Variants in DAB2IP observed in about 807,000 individuals in gnomAD.
DAB2IP encodes DAB2 interacting protein.
In DAB2IP, 28 loss-of-function variants were observed where a neutral mutation model predicts 107.2. That is an observed-to-expected ratio of 0.26 (90% CI 0.19 to 0.36). The LOEUF (loss-of-function observed/expected upper bound fraction) is 0.36. Among genes scored for constraint, DAB2IP ranks in the 10% least tolerant of loss-of-function variants. DAB2IP has a pLI of 1.00. For synonymous variants in DAB2IP, 755 were observed against 706.4 expected, an observed-to-expected ratio of 1.07 and a Z score of -1.09; for missense variants, 1,400 against 1,644.7, an observed-to-expected ratio of 0.85 and a Z score of 2.57.
exon 6 of DAB2IP, chr9:121,759,965 G>T: frequency 6.2e-7 from 1 of 1,614,200 alleles, no homozygotes; most frequent in African/African-American, 1.3e-5. Context: ...AGAAGTACCT[G>T]TGCGAGCTGT....
chr9:121,744,796 G>A (rs150119287), intron 3 of DAB2IP, among the ~76,000 whole-genome samples: 4 of 152,342 alleles, frequency 2.6e-5, no homozygotes, highest in African/African-American at 9.6e-5. Context: ...AGCAGAGGGC[G>A]TGTGCATAGG....
chr9:121,744,115 T>C (rs1046778539), intron 3 of DAB2IP, among the ~76,000 whole-genome samples: 1 of 152,190 alleles, frequency 6.6e-6, no homozygotes, highest in African/African-American at 2.4e-5. Context: ...TGGCCTTTGC[T>C]CTGAGTGGCC....
intron 1 of DAB2IP, among the ~76,000 whole-genome samples, chr9:121,655,724 A>T (rs1223758720): frequency 2.0e-5 from 3 of 152,116 alleles, no homozygotes; most frequent in Non-Finnish European, 4.4e-5. Flanking sequence ...GCCTATACCC[A>T]TAGCCATGAG....
chr9:121,658,252 CCTCTCGGGG>C (rs1833050563), intron 1 of DAB2IP, among the ~76,000 whole-genome samples: 2 of 152,210 alleles, frequency 1.3e-5, no homozygotes, highest in South Asian at 4.1e-4. Context: ...CCTGCACCTC[CCTCTCGGGG>C]CCACTTGGTT....
At chr9:121,748,750 C>G (rs901342207) in intron 3 of DAB2IP, among the ~76,000 whole-genome samples, 33 of 152,224 alleles carry the variant, frequency 2.2e-4, no homozygotes, top group African/African-American at 8.0e-4. Context: ...TTGGGCACCA[C>G]GGGACACCAG....
chr9:121,721,497 C>T (rs1461788070), intron 3 of DAB2IP, among the ~76,000 whole-genome samples: 1 of 152,216 alleles, frequency 6.6e-6, no homozygotes, highest in African/African-American at 2.4e-5. Flanking sequence ...GACAGTCCAC[C>T]ACTGTAGTGG....
exon 1 of DAB2IP, chr9:121,567,195 C>A (rs757734023): frequency 6.2e-7 from 1 of 1,614,026 alleles, no homozygotes; most frequent in East Asian, 2.2e-5. Context: ...CGCCATGGAG[C>A]CCGACTCCCT....
intron 1 of DAB2IP, chr9:121,598,764 G>A (rs1359059472): frequency 6.6e-6 from 1 of 152,326 alleles, no homozygotes; most frequent in African/African-American, 2.4e-5. Flanking sequence ...GCTGGGAAAA[G>A]GAGGCAGGAG....
intron 3 of DAB2IP, among the ~76,000 whole-genome samples, chr9:121,711,399 C>T (rs1373071397): frequency 6.6e-6 from 1 of 152,184 alleles, no homozygotes; most frequent in African/African-American, 2.4e-5. Context: ...TTTGCTTCCT[C>T]ATTCTTGGGA....
chr9:121,658,581 C>T (rs1833066953), intron 1 of DAB2IP, among the ~76,000 whole-genome samples: 2 of 152,170 alleles, frequency 1.3e-5, no homozygotes, highest in East Asian at 1.9e-4. Flanking sequence ...ATGTGGCCTT[C>T]AGTTTGGAAG....
chr9:121,782,681 G>GT lies in DAB2IP; in HGVS notation c.*184dup. 1 of 1,429,822 alleles carries GT rather than the reference G, an allele frequency of 7.0e-7. No homozygotes were observed. Among genetic ancestry groups the GT allele is most frequent in the South Asian group, 1.5e-5 (1 of 67,018 alleles). 88.6% of individuals were successfully genotyped at this position (1,429,822 alleles called of 1,614,324 possible). On this transcript the variant is annotated 3_prime_UTR_variant, in exon 16 of 16. Coordinates refer to ENST00000408936, the Ensembl canonical transcript of DAB2IP. The surrounding 1 kb of genome is among the most constrained non-coding windows in gnomAD (Gnocchi z 6.1). ...GGGAGCCACCAGAGACTGAAGCAGCGTGAGGCGAGGTCACCAGCCGCTCCC... is the reference window on the plus strand; with the variant it reads ...GGGAGCCACCAGAGACTGAAGCAGCGTTGAGGCGAGGTCACCAGCCGCTCCC...
At chr9:121,570,815 T>C (rs1418694187) in intron 1 of DAB2IP, among the ~76,000 whole-genome samples, 3 of 151,296 alleles carry the variant, frequency 2.0e-5, no homozygotes, top group African/African-American at 7.4e-5. Context: ...CCCAAAGTGC[T>C]GGGATTACAG....
intron 1 of DAB2IP, among the ~76,000 whole-genome samples, chr9:121,675,417 T>C (rs1420297495): frequency 6.6e-6 from 1 of 152,092 alleles, no homozygotes; most frequent in East Asian, 1.9e-4. Flanking sequence ...GTCCCTTCTT[T>C]CTGAGGGCAT....
intron 1 of DAB2IP, among the ~76,000 whole-genome samples, chr9:121,584,290 A>T (rs1278371913): frequency 6.6e-6 from 1 of 151,974 alleles, no homozygotes; most frequent in Non-Finnish European, 1.5e-5. Context: ...TTGCCTGAAA[A>T]TTTTCATTTA....
intron 1 of DAB2IP, among the ~76,000 whole-genome samples, chr9:121,588,601 A>G (rs1830358373): frequency 4.2e-5 from 4 of 95,794 alleles, no homozygotes; most frequent in Non-Finnish European, 6.5e-5. Context: ...GGGAAGGGGG[A>G]ATGGGGAAGA....
chr9:121,578,374 C>A (rs1830113405), intron 1 of DAB2IP, among the ~76,000 whole-genome samples: 1 of 151,934 alleles, frequency 6.6e-6, no homozygotes, highest in South Asian at 2.1e-4. Context: ...TCCCTCCTCT[C>A]CCCCTAGTGA....
intron 1 of DAB2IP, among the ~76,000 whole-genome samples, chr9:121,618,365 A>AT (rs143238568): frequency 0.077 from 11,339 of 147,394 alleles, 462 homozygotes; most frequent in Non-Finnish European, 0.098. Flanking sequence ...AATTCAATGG[A>AT]TTTTTTTTTT....
chr9:121,619,635 A>C (rs993151865), intron 1 of DAB2IP, among the ~76,000 whole-genome samples: 2 of 152,094 alleles, frequency 1.3e-5, no homozygotes, highest in African/African-American at 4.8e-5. Context: ...AGCTCTTAAG[A>C]TTTTTTCCTA....
At chr9:121,750,449 G>T (rs745975420) in intron 3 of DAB2IP, among the ~76,000 whole-genome samples, 1 of 152,158 alleles carries the variant, frequency 6.6e-6, no homozygotes, top group Non-Finnish European at 1.5e-5. Context: ...CCCGGCTCCT[G>T]CTTGCACACT....
Sources: allele counts gnomAD v4.1 joint callset (sites outside exome capture counted in the v4.1 genomes callset), GRCh38; gene constraint gnomAD v4.1.1; non-coding constraint Gnocchi (gnomAD v3.1); transcripts MANE v1.5; gene names NCBI Gene and HGNC (gene_info 2026-07-23, HGNC 2026-07-21).